The following TTC1 variants were observed in gnomAD, a reference collection of about 807,000 sequenced individuals.
The protein encoded by TTC1 is tetratricopeptide repeat domain 1.
Under a neutral mutation model 37.6 loss-of-function variants are expected in TTC1, and 31 were observed. That is an observed-to-expected ratio of 0.82 (90% CI 0.62 to 1.11). The LOEUF (loss-of-function observed/expected upper bound fraction) is 1.11. Among genes scored for constraint, TTC1 ranks in the 50% most tolerant of loss-of-function variants. The pLI, the probability that TTC1 is intolerant of heterozygous loss-of-function variation, is 0.00. For missense variants in TTC1, 351 were observed against 339.0 expected (o/e 1.04, Z -0.28); for synonymous variants, 127 against 122.4 (o/e 1.04, Z -0.25).
At chr5:160,014,846 T>C (rs1756573766) in intron 2 of TTC1, among the ~76,000 whole-genome samples, 1 of 152,208 alleles carries the variant, frequency 6.6e-6, no homozygotes, top group African/African-American at 2.4e-5. Context: ...TATACATAGA[T>C]GTGTTGCAGC....
At chr5:160,021,166 A>G (rs1420193536) in intron 2 of TTC1, among the ~76,000 whole-genome samples, 2 of 152,206 alleles carry the variant, frequency 1.3e-5, no homozygotes, top group African/African-American at 4.8e-5. Flanking sequence ...CAGCCTGAGA[A>G]GTGTCTGACA....
At chr5:160,033,922 TC>T (rs1177022850) in intron 2 of TTC1, among the ~76,000 whole-genome samples, 1 of 152,166 alleles carries the variant, frequency 6.6e-6, no homozygotes, top group African/African-American at 2.4e-5. Context: ...TAACTGTATT[TC>T]CTCCCTTTGA....
intron 2 of TTC1, among the ~76,000 whole-genome samples, chr5:160,014,833 G>A (rs1756573469): frequency 6.6e-6 from 1 of 152,186 alleles, no homozygotes; most frequent in Non-Finnish European, 1.5e-5. Context: ...ATACACAAAT[G>A]TATATACATA....
At chr5:160,038,886 C>T (rs1430677722) in intron 4 of TTC1, 1 of 152,188 alleles carries the variant, frequency 6.6e-6, no homozygotes, top group Non-Finnish European at 1.5e-5. Context: ...TGGTCTCAAA[C>T]TCCTGACCTC....
chr5:160,019,907 G>A (rs1222346533), intron 2 of TTC1, among the ~76,000 whole-genome samples: 1 of 151,530 alleles, frequency 6.6e-6, no homozygotes, highest in African/African-American at 2.4e-5. Context: ...TTCATTTCTT[G>A]TTTTCTTTTT....
chr5:160,032,665 G>C (rs184141315), intron 2 of TTC1, among the ~76,000 whole-genome samples: 2 of 135,122 alleles, frequency 1.5e-5, no homozygotes, highest in African/African-American at 5.6e-5. Context: ...CATGCATTCT[G>C]CTTCTTAACA....
intron 2 of TTC1, chr5:160,023,744 T>C: frequency 3.7e-6 from 6 of 1,612,042 alleles, no homozygotes; most frequent in Non-Finnish European, 5.1e-6. Flanking sequence ...CTTCTTGTGC[T>C]TCTTCTTTTT....
chr5:160,063,235 T>C (rs1225719799), intron 7 of TTC1, among the ~76,000 whole-genome samples: 2 of 152,162 alleles, frequency 1.3e-5, no homozygotes, highest in African/African-American at 4.8e-5. Flanking sequence ...GTAAAGGCCA[T>C]GCGTTTTTTT....
At chr5:160,022,517 A>G (rs1270220708) in intron 2 of TTC1, among the ~76,000 whole-genome samples, 1 of 152,242 alleles carries the variant, frequency 6.6e-6, no homozygotes, top group Non-Finnish European at 1.5e-5. Context: ...AATGTTTGGC[A>G]CATAATAAGT....
At chr5:160,025,311 G>T (rs1756782035) in intron 2 of TTC1, among the ~76,000 whole-genome samples, 2 of 152,168 alleles carry the variant, frequency 1.3e-5, no homozygotes, top group Non-Finnish European at 2.9e-5. Context: ...ACAGGTATGA[G>T]CCACCGCACC....
At chr5:160,035,610 C>G (rs1756987285) in intron 3 of TTC1, among the ~76,000 whole-genome samples, 1 of 152,212 alleles carries the variant, frequency 6.6e-6, no homozygotes, top group Admixed American at 6.5e-5. Flanking sequence ...GCTGCCTGTC[C>G]TTTGGTTGCT....
chr5:160,056,519 T>C (rs1373306591), intron 7 of TTC1, among the ~76,000 whole-genome samples: 1 of 151,482 alleles, frequency 6.6e-6, no homozygotes, highest in Non-Finnish European at 1.5e-5. Flanking sequence ...AGTTGAAGAG[T>C]TCAAGACCAG....
At chr5:160,048,964 C>A (rs994652274) in intron 5 of TTC1, among the ~76,000 whole-genome samples, 2 of 150,984 alleles carry the variant, frequency 1.3e-5, no homozygotes, top group African/African-American at 4.9e-5. Context: ...AAAAAAAATT[C>A]TCTCTCACTC....
At chr5:160,062,965 C>T (rs906275014) in intron 7 of TTC1, among the ~76,000 whole-genome samples, 4 of 152,192 alleles carry the variant, frequency 2.6e-5, no homozygotes, top group African/African-American at 9.7e-5. Context: ...CGAGGCTGTG[C>T]CGCTGCCTTG....
rs1399613643 is a variant in TTC1 at position 160,010,752 on chromosome 5, G to A, written c.224G>A (p.Gly75Glu). 2.4e-5 allele frequency: 39 copies of A among 1,614,040 alleles called. No individual in the cohort carries two copies. The Middle Eastern group carries it at 4.9e-4, about 20-fold the overall frequency. ...AGTGCCTCATTTGAGGAGGAGCCAG[G>A]AGCGGACAAGGTTGAGAACAAATCT... is the stretch of plus-strand genomic sequence containing the variant. Reference protein sequence around the residue: ...DCSASFEEEPGADKVENKSNE... With the variant: ...DCSASFEEEPEADKVENKSNE... The change falls in exon 2 of 8, where the codon GGA becomes GAA. Residue 75 changes from glycine to glutamate, a missense_variant. Transcript: ENST00000231238.
chr5:160,015,041 A>G (rs1756576908), intron 2 of TTC1, among the ~76,000 whole-genome samples: 1 of 152,092 alleles, frequency 6.6e-6, no homozygotes, highest in South Asian at 2.1e-4. Flanking sequence ...AGTTCATCCT[A>G]ATGAGATAAC....
chr5:160,053,459 G>A (rs1301758259), intron 7 of TTC1, among the ~76,000 whole-genome samples: 1 of 152,100 alleles, frequency 6.6e-6, no homozygotes, highest in African/African-American at 2.4e-5. Flanking sequence ...AGCTACTTAG[G>A]AGGCTGCTGT....
At chr5:160,043,567 G>A (rs932322269) in intron 5 of TTC1, among the ~76,000 whole-genome samples, 3 of 152,160 alleles carry the variant, frequency 2.0e-5, no homozygotes, top group African/African-American at 7.2e-5. Flanking sequence ...ACTCCAGCCT[G>A]GGTAACAGAG....
intron 5 of TTC1, among the ~76,000 whole-genome samples, chr5:160,047,900 A>T (rs879389289): frequency 1.3e-5 from 2 of 152,098 alleles, no homozygotes; most frequent in Non-Finnish European, 2.9e-5. Flanking sequence ...TTTTCATTAT[A>T]GTACTATGGC....
Sources: gnomAD v4.1 joint callset for allele counts (sites outside exome capture counted in the v4.1 genomes callset) on GRCh38, gnomAD v4.1.1 for gene constraint, MANE v1.5 for transcripts, NCBI Gene and HGNC (gene_info 2026-07-23, HGNC 2026-07-21) for gene names.